SDHD: variants seen among roughly 807,000 people sequenced by gnomAD.
The protein encoded by SDHD is succinate dehydrogenase [ubiquinone] cytochrome b small subunit, mitochondrial.
Under a neutral mutation model 18.7 loss-of-function variants are expected in SDHD, and 6 were observed. That is an observed-to-expected ratio of 0.32 (90% CI 0.18 to 0.63). SDHD has a LOEUF of 0.63. SDHD is among the 30% of genes least tolerant of loss of function. The pLI, the probability that SDHD is intolerant of heterozygous loss-of-function variation, is 0.79. For missense variants in SDHD, 160 were observed against 192.7 expected (o/e 0.83, Z 1.00); for synonymous variants, 56 against 73.9 (o/e 0.76, Z 1.24).
intron 3 of SDHD, among the ~76,000 whole-genome samples, chr11:112,090,042 G>A (rs929648292): frequency 2.0e-5 from 3 of 152,050 alleles, no homozygotes; most frequent in African/African-American, 4.8e-5. Context: ...TCTCTGGTAC[G>A]TGACATATAG....
chr11:112,090,922 C>G (rs1592782644), intron 3 of SDHD, among the ~76,000 whole-genome samples: 2 of 152,142 alleles, frequency 1.3e-5, no homozygotes, highest in African/African-American at 4.8e-5. Context: ...TCTTGGACTC[C>G]TGACCTCAAG....
rs756758340 is a variant in SDHD at position 112,095,018 on chromosome 11, C to G, written c.*48C>G. 1 of 1,529,700 alleles carries G rather than the reference C, an allele frequency of 6.5e-7. No individual in the cohort carries two copies. The allele number at this position is 1,529,700 out of a possible 1,614,324, so 94.8% of individuals were successfully genotyped here. On this transcript the variant is annotated 3_prime_UTR_variant, in exon 4 of 4. Transcript: ENST00000375549. ...AGAATTGATGTATGCCTCTTTGCCT[C>G]TGCTTTGTCATGCCATTAAGCTCAC...
intron 3 of SDHD, among the ~76,000 whole-genome samples, chr11:112,091,571 A>G (rs1174944124): frequency 6.6e-6 from 1 of 152,188 alleles, no homozygotes; most frequent in East Asian, 1.9e-4. Context: ...CTAATTGTCT[A>G]ATTGACATCC....
chr11:112,088,735 T>A lies in SDHD; in HGVS notation c.170-132T>A. 3.0e-6 allele frequency: 3 copies of A among 992,898 alleles called. No individual in the cohort carries two copies. In the South Asian group the frequency reaches 3.9e-5, roughly 13 times the overall value. The allele number at this position is 992,898 out of a possible 1,614,324, so 61.5% of individuals were successfully genotyped here. On this transcript the variant is annotated intron_variant, in intron 2 of 3. Transcript: ENST00000375549. ...TCTCTCAACTACTATTTTGATATTT[T>A]ACTTCCTTTGTACTCAGAGTTATAT...
chr11:112,090,752 G>A (rs938858199), intron 3 of SDHD, among the ~76,000 whole-genome samples: 1 of 151,560 alleles, frequency 6.6e-6, no homozygotes, highest in African/African-American at 2.4e-5. Flanking sequence ...CTGGAGTGCA[G>A]TGGTGTGATC....
rs146261846 is a variant in SDHD at position 112,095,502 on chromosome 11, A to T, written c.*532A>T. 0.012 allele frequency: 2,729 copies of T among 235,706 alleles called. 206 individuals carry two copies. The Admixed American group carries it at 0.12, about 10-fold the overall frequency. 14.6% of individuals were successfully genotyped at this position (235,706 alleles called of 1,614,324 possible). ...AAATTAGGAAATGCTGATAGCTCAT[A>T]TTATAAATTTCTAAATCCTAGGAAG... On this transcript the variant is annotated 3_prime_UTR_variant, in exon 4 of 4. Transcript: ENST00000375549.
intron 2 of SDHD, chr11:112,088,239 A>T (rs944928078): frequency 2.3e-6 from 1 of 443,802 alleles, no homozygotes; most frequent in African/African-American, 2.0e-5. Context: ...TCGCTCTGTT[A>T]TGCAGGCTGG....
intron 2 of SDHD, 91 bp downstream of exon 2, chr11:112,088,064 G>A (rs1254144819): frequency 1.1e-6 from 1 of 906,400 alleles, no homozygotes; most frequent in Non-Finnish European, 1.8e-6. Flanking sequence ...CCTACCTGTA[G>A]GGGGGACTCT....
At chr11:112,091,473 A>G (rs1865745025) in intron 3 of SDHD, among the ~76,000 whole-genome samples, 1 of 152,144 alleles carries the variant, frequency 6.6e-6, no homozygotes. Flanking sequence ...TCCAGGGCTG[A>G]GTCATGGCCT....
chr11:112,094,008 A>G (rs146786977), intron 3 of SDHD, among the ~76,000 whole-genome samples: 1,759 of 152,358 alleles, frequency 0.012, 16 homozygotes, highest in Non-Finnish European at 0.017. Context: ...AAAATACTGT[A>G]GAGTTTTAGT....
chr11:112,088,758 T>G, intron 2 of SDHD, 109 bp from the exon 3 acceptor site: 1 of 1,177,298 alleles, frequency 8.5e-7, no homozygotes, highest in Non-Finnish European at 1.3e-6. Context: ...CTCAGAGTTA[T>G]ATCCTATATG....
chr11:112,094,634 G>A (rs897757741), intron 3 of SDHD, among the ~76,000 whole-genome samples, 171 bp from the exon 4 acceptor site: 3 of 152,138 alleles, frequency 2.0e-5, no homozygotes, highest in Non-Finnish European at 2.9e-5. Context: ...ACATACACAC[G>A]CAAAAGGCTA....
chr11:112,094,433 A>G lies in SDHD; in HGVS notation c.315-372A>G, dbSNP rs150440271. ...TAAATAAATAAATAAATAGAAGGAA[A>G]TAAAAAACAATTAGCCGGGCATGGA... is the stretch of plus-strand genomic sequence containing the variant. On this transcript the variant is annotated intron_variant, in intron 3 of 3. Coordinates refer to ENST00000375549, the MANE Select transcript of SDHD (RefSeq NM_003002.4). Among the ~76,000 whole-genome samples, 1,442 of 151,934 alleles carry G rather than the reference A, an allele frequency of 9.5e-3. 56 individuals carry two copies. Among genetic ancestry groups the G allele is most frequent in the Admixed American group, 0.064 (972 of 15,244 alleles).
intron 3 of SDHD, among the ~76,000 whole-genome samples, chr11:112,091,472 G>A (rs1483291995): frequency 6.6e-6 from 1 of 152,174 alleles, no homozygotes; most frequent in Non-Finnish European, 1.5e-5. Context: ...CTCCAGGGCT[G>A]AGTCATGGCC....
rs915385437 is a variant in SDHD, at chr11:112,087,841, A to G, written c.53-16A>G. The G allele has an allele frequency of 1.3e-6, 2 of 1,547,458 alleles. No individual in the cohort carries two copies. The highest frequency in any genetic ancestry group is 1.8e-6 in the Non-Finnish European group (2 of 1,119,954). ...AGGAGAGGTTCTTATGATCATCCTA[A>G]TGACTCTTTCCTCAGCTCTGTTGCT... On this transcript the variant is annotated splice_polypyrimidine_tract_variant and intron_variant, in intron 1 of 3. Transcript: ENST00000375549.
Position 112,095,196 on chromosome 11 carries a change from G to C in SDHD, c.*226G>C. The stretch of plus-strand genomic sequence containing the variant: ...GTTCTATATTCTGGTGAGTTAATGG[G>C]GTTGCCTCCCAGCTTCTTATAAGAC... On this transcript the variant is annotated 3_prime_UTR_variant, in exon 4 of 4. Coordinates refer to ENST00000375549, the MANE Select transcript of SDHD (RefSeq NM_003002.4). 1.8e-6 allele frequency: 1 copy of C among 551,344 alleles called. No homozygotes were observed. Among genetic ancestry groups the C allele is most frequent in the South Asian group, 2.0e-5 (1 of 49,374 alleles). The allele number at this position is 551,344 out of a possible 1,614,324, so 34.2% of individuals were successfully genotyped here. A position where few individuals can be genotyped will look rare whatever the true frequency, so the allele number is the denominator to read the frequency against.
intron 3 of SDHD, among the ~76,000 whole-genome samples, chr11:112,090,390 C>T (rs571223220): frequency 6.6e-6 from 1 of 152,238 alleles, no homozygotes; most frequent in Non-Finnish European, 1.5e-5. Flanking sequence ...GGATTACAGG[C>T]GTGAGCCACC....
At position 112,095,364 on chromosome 11, in the gene SDHD, A is replaced by T; in HGVS notation, c.*394A>T. 3.2e-6 allele frequency: 1 copy of T among 308,522 alleles called. No individual in the cohort carries two copies. The highest frequency in any genetic ancestry group is 6.1e-6 in the Non-Finnish European group (1 of 162,786). The allele number at this position is 308,522 out of a possible 1,614,324, so 19.1% of individuals were successfully genotyped here. On this transcript the variant is annotated 3_prime_UTR_variant, in exon 4 of 4. Transcript: ENST00000375549. ...ATAATGGACAAAGGGAAATACTCTT[A>T]ATTCATGAATAAAAACTTTGCAGAA...
rs764384503 is a variant in SDHD, at chr11:112,086,942, G to A, written c.35G>A (p.Gly12Asp). 6.2e-7 allele frequency: 1 copy of A among 1,614,056 alleles called. No homozygotes were observed. Among genetic ancestry groups the A allele is most frequent in the Non-Finnish European group, 8.5e-7 (1 of 1,180,030 alleles). ...AVLWRLSAVC[G>D]ALGGRALLLR... Reference sequence around the variant, plus strand: ...CTCTGGAGGCTGAGTGCCGTTTGCGGTGCCCTAGGAGGCCGAGGTGAGGGG... The same window carrying A: ...CTCTGGAGGCTGAGTGCCGTTTGCGATGCCCTAGGAGGCCGAGGTGAGGGG... Residue 12 changes from glycine (G) to aspartate (D), a missense_variant, in exon 1 of 4, where the codon GGT becomes GAT. Gly to Asp is a moderately conservative substitution (Grantham distance 94). Transcript: ENST00000375549.
Sources: allele counts gnomAD v4.1 joint callset (sites outside exome capture counted in the v4.1 genomes callset), GRCh38; gene constraint gnomAD v4.1.1; transcripts MANE v1.5; gene names NCBI Gene and HGNC (gene_info 2026-07-23, HGNC 2026-07-21).